DEDD: variants seen among roughly 807,000 people sequenced by gnomAD.
DEDD encodes the protein death effector domain-containing protein.
A neutral mutation model predicts 29.2 loss-of-function variants in DEDD; 3 were observed. The ratio of observed to expected loss-of-function variants is 0.10; its 90% CI spans 0.05 to 0.27. DEDD has a LOEUF of 0.27. DEDD is among the 10% of genes least tolerant of loss of function. The probability of loss-of-function intolerance (pLI) is 1.00; values close to 1 mark genes in which losing one functional copy is unlikely to be tolerated. For synonymous variants in DEDD, 152 were observed against 161.3 expected, an observed-to-expected ratio of 0.94 and a Z score of 0.44; for missense variants, 261 against 420.5, an observed-to-expected ratio of 0.62 and a Z score of 3.32.
chr1:161,126,644 A>G (rs945578298), intron 2 of DEDD, among the ~76,000 whole-genome samples: 7 of 152,042 alleles, frequency 4.6e-5, no homozygotes, highest in Non-Finnish European at 8.8e-5. Context: ...GCCTGGCCGA[A>G]CACTCCAAAT....
At chr1:161,127,811 A>G (rs1191209534) in intron 2 of DEDD, among the ~76,000 whole-genome samples, 2 of 152,194 alleles carry the variant, frequency 1.3e-5, no homozygotes, top group Non-Finnish European at 2.9e-5. Flanking sequence ...TTTGTTCCCT[A>G]TCCCACCTGT....
Position 161,122,754 on chromosome 1 carries a change from A to G in DEDD, c.581-231T>C, listed in dbSNP as rs1655656500. ...GGTCAGCACTGTTCCCATTACTCACAGGTAGCAACTTGTTTATAGGAGATA... is the reference window on the plus strand; with the variant it reads ...GGTCAGCACTGTTCCCATTACTCACGGGTAGCAACTTGTTTATAGGAGATA... On this transcript the variant is annotated intron_variant, in intron 5 of 5. Transcript: ENST00000368006. This position sits in a 1 kb window ranked among gnomAD's most constrained non-coding sequence, Gnocchi z 4.2. Among the ~76,000 whole-genome samples, 1 of 152,216 alleles carries G rather than the reference A, an allele frequency of 6.6e-6. No individual in the cohort carries two copies. Among genetic ancestry groups the G allele is most frequent in the African/African-American group, 2.4e-5 (1 of 41,462 alleles).
rs781221087 is a variant in DEDD, at chr1:161,124,143, C to T, written c.320G>A (p.Arg107Gln). The T allele has an allele frequency of 3.7e-6, 6 of 1,610,778 alleles. No individual in the cohort carries two copies. The highest frequency in any genetic ancestry group is 2.2e-5 in the South Asian group (2 of 90,896). Reference protein sequence around the residue: ...LLPYVTLKRRRAVCPDLVDKY... With the variant: ...LLPYVTLKRRQAVCPDLVDKY... ...AGCCCCTAATACTTCCTCACCAGCC[C>T]GTCTCCTCTTGAGGGTGACGTAGGG... The change falls in exon 3 of 6, where the codon CGG becomes CAG. Residue 107 changes from arginine (R) to glutamine (Q), a missense_variant. Arg to Gln is a conservative substitution (Grantham distance 43, BLOSUM62 1). Coordinates refer to ENST00000368006, the MANE Select transcript of DEDD (RefSeq NM_032998.3).
At position 161,121,601 on chromosome 1, in the gene DEDD, A is replaced by G. The variant is rs1655493416; in HGVS notation, c.*546T>C. 1.3e-5 allele frequency: 2 copies of G among 154,262 alleles called. No homozygotes were observed. Among genetic ancestry groups the G allele is most frequent in the Admixed American group, 1.3e-4 (2 of 15,558 alleles). 9.6% of individuals were successfully genotyped at this position (154,262 alleles called of 1,614,324 possible). ...CCATGGAATGGAGGAAAGGCGGCAGAGAGGAGCAGCACCAGAGGCCAGGAG... is the reference window on the plus strand; with the variant it reads ...CCATGGAATGGAGGAAAGGCGGCAGGGAGGAGCAGCACCAGAGGCCAGGAG... On this transcript the variant is annotated 3_prime_UTR_variant, in exon 6 of 6. Transcript: ENST00000368006.
chr1:161,130,185 T>C (rs1308302663), intron 2 of DEDD, among the ~76,000 whole-genome samples: 2 of 152,222 alleles, frequency 1.3e-5, no homozygotes, highest in East Asian at 1.9e-4. Flanking sequence ...GGGATGATAT[T>C]TGTAATTTCA....
At chr1:161,129,615 C>T (rs1656508216) in intron 2 of DEDD, among the ~76,000 whole-genome samples, 1 of 151,360 alleles carries the variant, frequency 6.6e-6, no homozygotes, top group South Asian at 2.1e-4. Context: ...CCAATTTCCT[C>T]TAAAACCAAA....
chr1:161,129,959 G>A (rs1245043147), intron 2 of DEDD, among the ~76,000 whole-genome samples: 1 of 152,086 alleles, frequency 6.6e-6, no homozygotes, highest in Non-Finnish European at 1.5e-5. Flanking sequence ...GTCAGCCAAG[G>A]GCCAACAGTC....
rs113728325 is a variant in DEDD at position 161,122,219 on chromosome 1, A to G, written c.885T>C (p.Asn295=). 2 of 1,614,128 alleles carry G rather than the reference A, an allele frequency of 1.2e-6. No homozygotes were observed. Among genetic ancestry groups the G allele is most frequent in the East Asian group, 4.5e-5 (2 of 44,878 alleles). The part of the protein sequence containing the change: ...VGHEAIKLLV[N]VDEEDYELGR... ...CCAGCTCATAGTCCTCCTCGTCTAC[A>G]TTTACCAGCAGCTTGATGGCTTCAT... The change falls in exon 6 of 6, where the codon AAT becomes AAC. Residue 295 remains asparagine (N), a synonymous_variant. Coordinates refer to ENST00000368006, the MANE Select transcript of DEDD (RefSeq NM_032998.3). This position sits in a 1 kb window ranked among gnomAD's most constrained non-coding sequence, Gnocchi z 4.2.
At chr1:161,131,457 ACCT>A (rs1656662619) in intron 1 of DEDD, among the ~76,000 whole-genome samples, 1 of 151,886 alleles carries the variant, frequency 6.6e-6, no homozygotes, top group Admixed American at 6.6e-5. Flanking sequence ...CATTTAATTA[ACCT>A]GTCTAGATGC....
rs375230578 is a variant in DEDD, at chr1:161,124,118, A to G, written c.325+20T>C. ...CCTCCCACAACTCTTCCCTGATTCCAGCCCCTAATACTTCCTCACCAGCCC... is the reference window on the plus strand; with the variant it reads ...CCTCCCACAACTCTTCCCTGATTCCGGCCCCTAATACTTCCTCACCAGCCC... On this transcript the variant is annotated intron_variant, in intron 3 of 5. Transcript: ENST00000368006. 1.8e-5 allele frequency: 29 copies of G among 1,601,446 alleles called. No homozygotes were observed. Among genetic ancestry groups the G allele is most frequent in the Non-Finnish European group, 2.3e-5 (27 of 1,172,012 alleles).
At chr1:161,129,260 C>G (rs1656459032) in intron 2 of DEDD, among the ~76,000 whole-genome samples, 1 of 152,134 alleles carries the variant, frequency 6.6e-6, no homozygotes, top group Non-Finnish European at 1.5e-5. Flanking sequence ...TAATGCAACC[C>G]AGATAAGGGT....
chr1:161,125,155 T>C (rs1271325273), intron 2 of DEDD: 1 of 152,242 alleles, frequency 6.6e-6, no homozygotes, highest in Middle Eastern at 3.2e-3. Context: ...TGTGTGACCG[T>C]AAGCAAGTCA....
Position 161,122,213 on chromosome 1 carries a change from G to T in DEDD, c.891C>A (p.Asp297Glu). The T allele has an allele frequency of 6.2e-7, 1 of 1,614,194 alleles. No individual in the cohort carries two copies. The highest frequency in any genetic ancestry group is 1.1e-5 in the South Asian group (1 of 91,088). ...GTCGGCCCAGCTCATAGTCCTCCTC[G>T]TCTACATTTACCAGCAGCTTGATGG... ...HEAIKLLVNV[D>E]EEDYELGRQK... Residue 297 changes from aspartate (D) to glutamate (E), a missense_variant, in exon 6 of 6, where the codon GAC becomes GAA. Transcript: ENST00000368006. This position sits in a 1 kb window ranked among gnomAD's most constrained non-coding sequence, Gnocchi z 4.2.
Position 161,122,843 on chromosome 1 carries a change from G to T in DEDD, c.580+232C>A. ...TCGACTTGGCTCATCCTACAATAAGGATGTCATAACAACATCCCTGTGATG... is the reference window on the plus strand; with the variant it reads ...TCGACTTGGCTCATCCTACAATAAGTATGTCATAACAACATCCCTGTGATG... On this transcript the variant is annotated intron_variant, in intron 5 of 5. Coordinates refer to ENST00000368006, the MANE Select transcript of DEDD (RefSeq NM_032998.3). The surrounding 1 kb of genome is among the most constrained non-coding windows in gnomAD (Gnocchi z 4.2). 1.3e-6 allele frequency: 1 copy of T among 791,082 alleles called. No homozygotes were observed. The highest frequency in any genetic ancestry group is 2.0e-6 in the Non-Finnish European group (1 of 495,178). The allele number at this position is 791,082 out of a possible 1,614,324, so 49.0% of individuals were successfully genotyped here.
At chr1:161,126,451 C>T (rs1002598890) in intron 2 of DEDD, among the ~76,000 whole-genome samples, 2 of 150,322 alleles carry the variant, frequency 1.3e-5, no homozygotes, top group Non-Finnish European at 2.9e-5. Flanking sequence ...TCAAGCGATT[C>T]TCCTGCCTCA....
chr1:161,122,338 G>A lies in DEDD; in HGVS notation c.766C>T (p.Leu256Phe). 1 of 1,614,208 alleles carries A rather than the reference G, an allele frequency of 6.2e-7. No homozygotes were observed. Among genetic ancestry groups the A allele is most frequent in the Non-Finnish European group, 8.5e-7 (1 of 1,180,034 alleles). The part of the protein sequence containing the change: ...CDIKFSELTY[L>F]DAFWRDYING... ...ATGTAGTCACGCCAGAATGCATCGA[G>A]GTAGGTGAGCTCAGAGAACTTGATG... is the stretch of plus-strand genomic sequence containing the variant. The change falls in exon 6 of 6, where the codon CTC becomes TTC. Residue 256 changes from leucine (L) to phenylalanine (F), a missense_variant. This residue lies in a region of DEDD where 58 missense variants were observed against 151.8 expected (regional missense o/e 0.38). Transcript: ENST00000368006. This position sits in a 1 kb window ranked among gnomAD's most constrained non-coding sequence, Gnocchi z 4.2.
At chr1:161,125,947 T>C (rs566914432) in intron 2 of DEDD, among the ~76,000 whole-genome samples, 180 of 152,348 alleles carry the variant, frequency 1.2e-3, no homozygotes, top group African/African-American at 4.0e-3. Flanking sequence ...GTAATACCAA[T>C]GACGCAGCCA....
chr1:161,129,449 T>C (rs905429148), intron 2 of DEDD, among the ~76,000 whole-genome samples: 1 of 150,464 alleles, frequency 6.6e-6, no homozygotes, highest in Non-Finnish European at 1.5e-5. Flanking sequence ...AAACAAAAAT[T>C]AGCTGGGCAT....
At chr1:161,125,719 C>G (rs1316301056) in intron 2 of DEDD, among the ~76,000 whole-genome samples, 7 of 152,210 alleles carry the variant, frequency 4.6e-5, no homozygotes, top group African/African-American at 1.4e-4. Flanking sequence ...TCAGGCTGGT[C>G]TTGAACTCCT....
Sources: gnomAD v4.1 joint callset for allele counts (sites outside exome capture counted in the v4.1 genomes callset) on GRCh38, gnomAD v4.1.1 for gene constraint, gnomAD v4.1.1 regional missense constraint, Gnocchi (gnomAD v3.1) non-coding constraint, MANE v1.5 for transcripts, NCBI Gene and HGNC (gene_info 2026-07-23, HGNC 2026-07-21) for gene names.